PRKAR2A: variants seen among roughly 807,000 people sequenced by gnomAD.
PRKAR2A encodes the protein protein kinase cAMP-dependent type II regulatory subunit alpha.
A neutral mutation model predicts 51.9 loss-of-function variants in PRKAR2A; 29 were observed. The observed-to-expected ratio is 0.56, with a 90% confidence interval of 0.42 to 0.76. PRKAR2A has a LOEUF of 0.76. PRKAR2A is among the 30% of genes least tolerant of loss of function. The probability of loss-of-function intolerance (pLI) is 0.00; values close to 1 mark genes in which losing one functional copy is unlikely to be tolerated. For synonymous variants in PRKAR2A, 178 were observed against 186.2 expected, an observed-to-expected ratio of 0.96 and a Z score of 0.36; for missense variants, 445 against 512.1, an observed-to-expected ratio of 0.87 and a Z score of 1.26.
chr3:48,773,334 CTTTTCTTTTTTTTTTTTT>C (rs2082057049), intron 5 of PRKAR2A, among the ~76,000 whole-genome samples: 1 of 121,028 alleles, frequency 8.3e-6, no homozygotes, highest in African/African-American at 3.2e-5. Flanking sequence ...TTGGAATTTT[CTTTTCTTTTTTTTTTTTT>C]TTTTTTTTTG....
intron 9 of PRKAR2A, among the ~76,000 whole-genome samples, chr3:48,755,145 C>T (rs1256083021): frequency 2.0e-5 from 3 of 151,520 alleles, no homozygotes; most frequent in African/African-American, 2.4e-5. Flanking sequence ...TACAGGCGCC[C>T]GCCACCATGC....
intron 1 of PRKAR2A, among the ~76,000 whole-genome samples, chr3:48,828,490 G>A (rs531426783): frequency 1.8e-4 from 27 of 152,120 alleles, no homozygotes; most frequent in Non-Finnish European, 3.1e-4. Flanking sequence ...GGCTGAGGCA[G>A]GAGAATTGCT....
At chr3:48,802,509 G>A (rs1173731041) in intron 2 of PRKAR2A, among the ~76,000 whole-genome samples, 2 of 151,500 alleles carry the variant, frequency 1.3e-5, no homozygotes. Context: ...TTCAAGGCCA[G>A]CCTGGCAAAC....
chr3:48,847,457 G>C lies in PRKAR2A; in HGVS notation c.140C>G (p.Ala47Gly), dbSNP rs916215824. 6.4e-7 allele frequency: 1 copy of C among 1,572,968 alleles called. No homozygotes were observed. Among genetic ancestry groups the C allele is most frequent in the African/African-American group, 1.4e-5 (1 of 73,906 alleles). Residue 47 changes from alanine (A) to glycine (G), a missense_variant, in exon 1 of 11, where the codon GCC becomes GGC. Physicochemically the swap from Ala to Gly is moderately conservative, Grantham distance 60. Coordinates refer to ENST00000265563, the MANE Select transcript of PRKAR2A (RefSeq NM_004157.4). The surrounding 1 kb of genome is among the most constrained non-coding windows in gnomAD (Gnocchi z 4.4). ...TGGGGTGGCGGCGGGCAGGACTGAG[G>C]CTGGGGCGCGGGCCTCGCGCAGGCG... Reference protein sequence around the residue: ...FTRLREARAPASVLPAATPRQ... With the variant: ...FTRLREARAPGSVLPAATPRQ...
intron 10 of PRKAR2A, among the ~76,000 whole-genome samples, 163 bp downstream of exon 10, chr3:48,752,012 GA>G (rs2107188475): frequency 6.6e-6 from 1 of 152,284 alleles, no homozygotes; most frequent in South Asian, 2.1e-4. Context: ...TCAGTACTCA[GA>G]AATGTTTGCT....
At chr3:48,816,475 C>T (rs1289772381) in intron 1 of PRKAR2A, among the ~76,000 whole-genome samples, 3 of 151,746 alleles carry the variant, frequency 2.0e-5, no homozygotes, top group Non-Finnish European at 4.4e-5. Flanking sequence ...CCCATCTCTA[C>T]TAAAATACAA....
At chr3:48,814,121 G>A (rs867120644) in intron 1 of PRKAR2A, among the ~76,000 whole-genome samples, 17 of 151,988 alleles carry the variant, frequency 1.1e-4, no homozygotes, top group Admixed American at 3.3e-4. Context: ...GGTGTCTCGC[G>A]CCTGTGGTCC....
At chr3:48,778,999 G>T (rs774901061) in intron 5 of PRKAR2A, among the ~76,000 whole-genome samples, 1 of 151,718 alleles carries the variant, frequency 6.6e-6, no homozygotes, top group Admixed American at 6.6e-5. Flanking sequence ...CTAATTTTTT[G>T]TATTTTTAGT....
chr3:48,786,966 A>G (rs963070236), intron 4 of PRKAR2A, among the ~76,000 whole-genome samples: 1 of 152,202 alleles, frequency 6.6e-6, no homozygotes, highest in Admixed American at 6.6e-5. Context: ...GAAACATCAA[A>G]CTCAAATGAA....
At chr3:48,759,266 G>C (rs1242678122) in intron 8 of PRKAR2A, among the ~76,000 whole-genome samples, 1 of 152,110 alleles carries the variant, frequency 6.6e-6, no homozygotes, top group Non-Finnish European at 1.5e-5. Context: ...GCTGTCCAGT[G>C]GTGGATATTC....
At position 48,752,169 on chromosome 3, in the gene PRKAR2A, T is replaced by G. The variant is rs1372066074; in HGVS notation, c.1081+7A>C. The G allele has an allele frequency of 6.2e-7, 1 of 1,605,350 alleles. No homozygotes were observed. The highest frequency in any genetic ancestry group is 8.5e-7 in the Non-Finnish European group (1 of 1,177,870). On this transcript the variant is annotated splice_region_variant and intron_variant, in intron 10 of 10. Coordinates refer to ENST00000265563, the MANE Select transcript of PRKAR2A (RefSeq NM_004157.4). ...AAGAATATTAATGCATAAAGAACTTTTCTTACCTAAGCATTTGACATCTCC... is the reference window on the plus strand; with the variant it reads ...AAGAATATTAATGCATAAAGAACTTGTCTTACCTAAGCATTTGACATCTCC...
At chr3:48,756,491 G>A (rs371793212) in intron 8 of PRKAR2A, 47 bp from the exon 9 acceptor site, 1 of 1,414,594 alleles carries the variant, frequency 7.1e-7, no homozygotes, top group East Asian at 2.3e-5. Flanking sequence ...AGTATTGAAG[G>A]GGAATAAAGA....
intron 1 of PRKAR2A, among the ~76,000 whole-genome samples, chr3:48,828,242 G>A (rs149896678): frequency 6.6e-6 from 1 of 152,182 alleles, no homozygotes; most frequent in East Asian, 1.9e-4. Context: ...AGGCTAGAGT[G>A]TAGCAGCTAC....
chr3:48,811,771 T>G (rs926656542), intron 1 of PRKAR2A, among the ~76,000 whole-genome samples: 6 of 151,948 alleles, frequency 3.9e-5, no homozygotes, highest in African/African-American at 1.5e-4. Context: ...TGCCACAAAA[T>G]TATACACTTT....
intron 9 of PRKAR2A, among the ~76,000 whole-genome samples, chr3:48,754,688 C>T (rs1034079538): frequency 6.6e-6 from 1 of 151,674 alleles, no homozygotes; most frequent in Non-Finnish European, 1.5e-5. Context: ...GCAGGAGAAT[C>T]GCTTGAACCC....
At chr3:48,816,616 G>A (rs1488724534) in intron 1 of PRKAR2A, among the ~76,000 whole-genome samples, 4 of 152,048 alleles carry the variant, frequency 2.6e-5, no homozygotes, top group East Asian at 1.9e-4. Flanking sequence ...CCAGCCTTGC[G>A]ACAGAGAGAG....
At chr3:48,816,238 A>G (rs1173490598) in intron 1 of PRKAR2A, among the ~76,000 whole-genome samples, 2 of 152,086 alleles carry the variant, frequency 1.3e-5, no homozygotes, top group Non-Finnish European at 2.9e-5. Flanking sequence ...AGAATCCTGT[A>G]CATTTATAAG....
chr3:48,778,542 T>C (rs904041165), intron 5 of PRKAR2A, among the ~76,000 whole-genome samples: 1 of 151,698 alleles, frequency 6.6e-6, no homozygotes, highest in Admixed American at 6.6e-5. Flanking sequence ...TTTGTTGAGA[T>C]GGAGTCCCAT....
At chr3:48,772,703 C>G (rs1052491009) in intron 6 of PRKAR2A, among the ~76,000 whole-genome samples, 1 of 151,658 alleles carries the variant, frequency 6.6e-6, no homozygotes, top group Non-Finnish European at 1.5e-5. Flanking sequence ...TACAGTGGCG[C>G]GATCTCGGCT....
Sources: allele counts gnomAD v4.1 joint callset (sites outside exome capture counted in the v4.1 genomes callset), GRCh38; gene constraint gnomAD v4.1.1; non-coding constraint Gnocchi (gnomAD v3.1); transcripts MANE v1.5; gene names NCBI Gene and HGNC (gene_info 2026-07-23, HGNC 2026-07-21).